Variants in PDE6A observed in about 807,000 individuals in gnomAD.
The protein encoded by PDE6A is rod cGMP-specific 3',5'-cyclic phosphodiesterase subunit alpha.
Under a neutral mutation model 106.3 loss-of-function variants are expected in PDE6A, and 84 were observed. The observed-to-expected ratio is 0.79, with a 90% CI of 0.66 to 0.95. The LOEUF is 0.95. Among genes scored for constraint, PDE6A ranks in the 40% least tolerant of loss-of-function variants. The pLI is 0.00. For synonymous variants in PDE6A, 394 were observed against 386.6 expected (o/e 1.02, Z -0.23); for missense variants, 1,052 against 1,084.9 (o/e 0.97, Z 0.43).
intron 3 of PDE6A, among the ~76,000 whole-genome samples, chr5:149,933,634 C>T (rs1445621243): frequency 6.6e-6 from 1 of 152,140 alleles, no homozygotes; most frequent in African/African-American, 2.4e-5. Flanking sequence ...CATAATCATC[C>T]CTATTTTTCA....
intron 1 of PDE6A, among the ~76,000 whole-genome samples, chr5:149,936,285 G>A (rs1754183004): frequency 6.6e-6 from 1 of 152,180 alleles, no homozygotes; most frequent in South Asian, 2.1e-4. Context: ...ATTATTATCA[G>A]TGAAGCTGTT....
chr5:149,893,993 G>A (rs1472278954), intron 13 of PDE6A, among the ~76,000 whole-genome samples: 12 of 152,156 alleles, frequency 7.9e-5, no homozygotes, highest in Admixed American at 7.9e-4. Flanking sequence ...AGTTTCCAAT[G>A]GGGCTCCTGG....
intron 6 of PDE6A, among the ~76,000 whole-genome samples, chr5:149,908,282 G>A (rs760644744): frequency 1.3e-5 from 2 of 152,170 alleles, no homozygotes; most frequent in Non-Finnish European, 2.9e-5. Context: ...AAACAGTGCT[G>A]CTGTCAACAT....
At chr5:149,910,874 C>CTTTTTTTTTTTT (rs386405293) in intron 6 of PDE6A, among the ~76,000 whole-genome samples, 6 of 87,144 alleles carry the variant, frequency 6.9e-5, no homozygotes, top group African/African-American at 9.3e-5. Context: ...TTTCTTTTTC[C>CTTTTTTTTTTTT]TTTTTTTTTT....
At chr5:149,895,064 C>G (rs1581176176) in intron 13 of PDE6A, 119 bp downstream of exon 13, 2 of 730,852 alleles carry the variant, frequency 2.7e-6, no homozygotes, top group East Asian at 5.3e-5. Context: ...TTTCACATAA[C>G]TCTTAAAAGA....
chr5:149,876,078 A>T (rs1456904011), intron 17 of PDE6A, among the ~76,000 whole-genome samples: 2 of 152,156 alleles, frequency 1.3e-5, no homozygotes, highest in Non-Finnish European at 2.9e-5. Flanking sequence ...ATATCCATTT[A>T]TTGAAATTAT....
intron 5 of PDE6A, among the ~76,000 whole-genome samples, chr5:149,919,428 A>T (rs1020212434): frequency 6.6e-6 from 1 of 152,198 alleles, no homozygotes; most frequent in Admixed American, 6.5e-5. Flanking sequence ...GAATTGCTTG[A>T]GCCCAGGAGG....
intron 1 of PDE6A, among the ~76,000 whole-genome samples, chr5:149,936,762 A>C (rs1754198757): frequency 6.6e-6 from 1 of 152,236 alleles, no homozygotes; most frequent in African/African-American, 2.4e-5. Flanking sequence ...TTTAGCTCAA[A>C]CTAGTAAAAG....
At chr5:149,942,162 T>C (rs943009404) in intron 1 of PDE6A, among the ~76,000 whole-genome samples, 18 of 152,092 alleles carry the variant, frequency 1.2e-4, no homozygotes, top group African/African-American at 4.3e-4. Context: ...GGGACCTCCC[T>C]GTGTTGCCCA....
rs1028240421 is a variant in PDE6A at position 149,899,407 on chromosome 5, G to A, written c.1231C>T (p.Pro411Ser). 1.2e-6 allele frequency: 2 copies of A among 1,614,080 alleles called. No individual in the cohort carries two copies. The highest frequency in any genetic ancestry group is 1.1e-5 in the South Asian group (1 of 91,070). The change falls in exon 9 of 22, where the codon CCC (proline) becomes TCC (serine). Residue 411 changes from proline (P) to serine (S), a missense_variant. Transcript: ENST00000255266. ...AGCGTCTCATCCATTTCATCAAAGG[G>A]CTTCCCATCTTTACGATTGTAAAAT... ...ATFYNRKDGK[P>S]FDEMDETLME...
intron 1 of PDE6A, among the ~76,000 whole-genome samples, chr5:149,936,800 C>T (rs1022298097): frequency 6.6e-6 from 1 of 152,182 alleles, no homozygotes; most frequent in African/African-American, 2.4e-5. Context: ...ATTACTTTTG[C>T]ACCAACTTAT....
intron 17 of PDE6A, among the ~76,000 whole-genome samples, chr5:149,876,088 T>C (rs1423001658): frequency 6.6e-6 from 1 of 152,200 alleles, no homozygotes; most frequent in Non-Finnish European, 1.5e-5. Context: ...ATTGAAATTA[T>C]GTAATTAAAA....
chr5:149,940,505 C>CTTTTTTTTTTTTTTTTTTTTTTTTGTTT (rs56930344), intron 1 of PDE6A, among the ~76,000 whole-genome samples: 1 of 142,018 alleles, frequency 7.0e-6, no homozygotes. Flanking sequence ...TGTTTGAATC[C>CTTTTTTTTTTTTTTTTTTTTTTTTGTTT]TTTTTTTTTT....
At chr5:149,876,351 T>A (rs962196358) in intron 17 of PDE6A, among the ~76,000 whole-genome samples, 73 of 117,226 alleles carry the variant, frequency 6.2e-4, no homozygotes, top group African/African-American at 2.3e-3. Flanking sequence ...TTTTTCCTCT[T>A]TTTTTTTTTT....
At chr5:149,926,783 G>A (rs950444777) in intron 4 of PDE6A, among the ~76,000 whole-genome samples, 3 of 152,112 alleles carry the variant, frequency 2.0e-5, no homozygotes, top group African/African-American at 7.2e-5. Flanking sequence ...TTCAAGGCCA[G>A]CCTGGCCAAC....
chr5:149,936,249 A>G (rs1754182020), intron 1 of PDE6A, among the ~76,000 whole-genome samples: 2 of 151,988 alleles, frequency 1.3e-5, no homozygotes, highest in Non-Finnish European at 1.5e-5. Flanking sequence ...TCTAGTTGGA[A>G]TGGGATTAAA....
chr5:149,921,167 C>T (rs1753707340), intron 5 of PDE6A, among the ~76,000 whole-genome samples: 1 of 152,160 alleles, frequency 6.6e-6, no homozygotes, highest in Non-Finnish European at 1.5e-5. Flanking sequence ...GTTGCTTGAC[C>T]TTTCTGGGTC....
At chr5:149,926,225 G>C (rs1165250364) in intron 4 of PDE6A, among the ~76,000 whole-genome samples, 2 of 151,974 alleles carry the variant, frequency 1.3e-5, no homozygotes, top group African/African-American at 4.8e-5. Context: ...CTGGGCAAAA[G>C]AGTGAGATAT....
chr5:149,905,493 T>C (rs1448740005), intron 7 of PDE6A, among the ~76,000 whole-genome samples: 2 of 152,224 alleles, frequency 1.3e-5, no homozygotes, highest in African/African-American at 4.8e-5. Context: ...CCAAGCATGA[T>C]GACAGCACTA....
Sources: allele counts gnomAD v4.1 joint callset (sites outside exome capture counted in the v4.1 genomes callset), GRCh38; gene constraint gnomAD v4.1.1; transcripts MANE v1.5; gene names NCBI Gene and HGNC (gene_info 2026-07-23, HGNC 2026-07-21).